LRP2: variants seen among roughly 807,000 people sequenced by gnomAD.
LRP2 encodes low-density lipoprotein receptor-related protein 2.
In LRP2, 172 loss-of-function variants were observed where a neutral mutation model predicts 531.0. The observed-to-expected ratio is 0.32, with a 90% confidence interval of 0.29 to 0.37. The LOEUF is 0.37. LRP2 is among the 10% of genes least tolerant of loss of function. The pLI is 1.00. For synonymous variants in LRP2, 1,992 were observed against 2,027.6 expected (o/e 0.98, Z 0.47); for missense variants, 5,167 against 5,868.3 (o/e 0.88, Z 3.90).
At chr2:169,181,383 A>G in intron 52 of LRP2, 65 bp downstream of exon 52, 1 of 1,525,144 alleles carries the variant, frequency 6.6e-7, no homozygotes, top group Non-Finnish European at 9.1e-7. Context: ...ATAGACTGGA[A>G]TCACAAGCTC....
At chr2:169,319,397 CA>C (rs1684851815) in intron 2 of LRP2, among the ~76,000 whole-genome samples, 1 of 152,170 alleles carries the variant, frequency 6.6e-6, no homozygotes, top group Non-Finnish European at 1.5e-5. Context: ...ATACTCATCT[CA>C]CTGTTTGTTG....
intron 47 of LRP2, among the ~76,000 whole-genome samples, chr2:169,193,414 G>A (rs1358247375): frequency 7.8e-6 from 1 of 128,700 alleles, no homozygotes; most frequent in Non-Finnish European, 1.6e-5. Flanking sequence ...CTGGGCAACA[G>A]AGTAAGACCT....
Position 169,193,529 on chromosome 2 carries a change from A to G in LRP2, c.8830+232T>C, listed in dbSNP as rs1439052940. 1.3e-5 allele frequency among the ~76,000 whole-genome samples: 2 copies of G among 151,648 alleles called. 1 individual carries two copies. The highest frequency in any genetic ancestry group is 6.4e-3 in the Middle Eastern group (2 of 312). ...CCTAGAAATGTAGGACATTATGTCC[A>G]TTAGCCAAATGTAAGAGAAAGAAAG... is the stretch of plus-strand genomic sequence containing the variant. On this transcript the variant is annotated intron_variant, in intron 47 of 78. Transcript: ENST00000649046.
chr2:169,246,893 G>C lies in LRP2; in HGVS notation c.3002C>G (p.Pro1001Arg), dbSNP rs777676007. The C allele has an allele frequency of 1.9e-6, 3 of 1,614,004 alleles. No homozygotes were observed. The highest frequency in any genetic ancestry group is 1.3e-5 in the African/African-American group (1 of 74,886). ...ATTGGAAGCCAGCCTCATTCCATAAGGGCACCCACACACTCGCTGGAAATT... is the reference window on the plus strand; with the variant it reads ...ATTGGAAGCCAGCCTCATTCCATAACGGCACCCACACACTCGCTGGAAATT... ...VPNFQRVCGC[P>R]YGMRLASNHL... The change falls in exon 21 of 79, where the codon CCT becomes CGT. Residue 1001 changes from proline to arginine, a missense_variant. Around this residue, in one of 6 missense-constraint regions of LRP2, gnomAD observed 2,811 missense variants for 3,058.0 expected, o/e 0.92. Coordinates refer to ENST00000649046, the MANE Select transcript of LRP2 (RefSeq NM_004525.3).
chr2:169,242,262 T>C (rs1445901754), intron 24 of LRP2, among the ~76,000 whole-genome samples: 3 of 152,156 alleles, frequency 2.0e-5, no homozygotes, highest in African/African-American at 7.2e-5. Flanking sequence ...CTAAAATCCA[T>C]TTAAAACAAA....
chr2:169,292,203 A>G (rs1351150412), intron 7 of LRP2, 50 bp downstream of exon 7: 1 of 1,348,186 alleles, frequency 7.4e-7, no homozygotes, highest in Non-Finnish European at 1.1e-6. Flanking sequence ...CAAGCGCTGG[A>G]AAACACTTGA....
intron 17 of LRP2, among the ~76,000 whole-genome samples, chr2:169,257,809 CA>C (rs777633269): frequency 2.9e-5 from 2 of 68,882 alleles, no homozygotes; most frequent in South Asian, 5.2e-4. Context: ...AGTCTAGAGG[CA>C]AAAAAAAACA....
intron 75 of LRP2, 110 bp from the exon 76 acceptor site, chr2:169,137,603 G>A: frequency 3.0e-6 from 2 of 656,160 alleles, no homozygotes; most frequent in Admixed American, 4.0e-5. Flanking sequence ...CTCACACCTG[G>A]AGGTACGCTA....
At position 169,142,650 on chromosome 2, in the gene LRP2, T is replaced by C. The variant is rs181851810; in HGVS notation, c.13108+24A>G. 32 of 1,612,578 alleles carry C rather than the reference T, an allele frequency of 2.0e-5. No homozygotes were observed. The Admixed American group carries it at 4.3e-4, about 22-fold the overall frequency. ...GCAGAGGAGTGCTCCCAGGCCCCCA[T>C]AGCTGCTTGGGCAGTGCTCCTACCT... On this transcript the variant is annotated intron_variant, in intron 71 of 78. Coordinates refer to ENST00000649046, the MANE Select transcript of LRP2 (RefSeq NM_004525.3).
chr2:169,338,754 C>T lies in LRP2; in HGVS notation c.80-17870G>A, dbSNP rs114459803. 8.6e-3 allele frequency among the ~76,000 whole-genome samples: 1,304 copies of T among 152,294 alleles called. 22 individuals carry two copies. The highest frequency in any genetic ancestry group is 0.029 in the African/African-American group (1,226 of 41,566). On this transcript the variant is annotated intron_variant, in intron 1 of 78. Coordinates refer to ENST00000649046, the MANE Select transcript of LRP2 (RefSeq NM_004525.3). ...CCAGATGCTGCATACTACTGGGAAA[C>T]TACTATAATATTACAGAAGGGCAAG... is the stretch of plus-strand genomic sequence containing the variant.
chr2:169,175,662 A>G (rs1004142465), intron 54 of LRP2, among the ~76,000 whole-genome samples: 1 of 152,122 alleles, frequency 6.6e-6, no homozygotes, highest in Non-Finnish European at 1.5e-5. Context: ...AACAATAAAC[A>G]AATAAAGAGT....
At chr2:169,310,147 T>C (rs562862146) in intron 3 of LRP2, among the ~76,000 whole-genome samples, 10 of 152,352 alleles carry the variant, frequency 6.6e-5, no homozygotes, top group African/African-American at 2.4e-4. Flanking sequence ...GTTTTCTAAA[T>C]ATACAATCAT....
At chr2:169,245,875 T>A (rs1379781086) in intron 21 of LRP2, among the ~76,000 whole-genome samples, 2 of 152,290 alleles carry the variant, frequency 1.3e-5, no homozygotes, top group East Asian at 3.9e-4. Flanking sequence ...TTGTTGTTTG[T>A]TTGCTTATTT....
At chr2:169,149,735 C>A (rs72874714) in intron 68 of LRP2, among the ~76,000 whole-genome samples, 4,260 of 151,884 alleles carry the variant, frequency 0.028, 76 homozygotes, top group African/African-American at 0.05. Context: ...TGCCAGGAGG[C>A]TGAGGCAGGA....
At chr2:169,146,015 C>G (rs777494030) in intron 69 of LRP2, 92 bp from the exon 70 acceptor site, 2 of 1,157,612 alleles carry the variant, frequency 1.7e-6, no homozygotes, top group Non-Finnish European at 2.6e-6. Flanking sequence ...TGATGTCATT[C>G]TGCTTGAATT....
intron 55 of LRP2, among the ~76,000 whole-genome samples, chr2:169,174,858 A>G (rs1448840102): frequency 6.8e-6 from 1 of 147,268 alleles, no homozygotes; most frequent in Non-Finnish European, 1.5e-5. Flanking sequence ...TAAATATGAC[A>G]ACTGAGAGTC....
At chr2:169,194,821 A>C (rs1687951422) in intron 46 of LRP2, among the ~76,000 whole-genome samples, 1 of 150,138 alleles carries the variant, frequency 6.7e-6, no homozygotes. Context: ...CCCAGGTTCA[A>C]GTGATTCTCC....
Position 169,294,593 on chromosome 2 carries a change from T to C in LRP2, c.538+7A>G, listed in dbSNP as rs1684087741. 2 of 1,591,506 alleles carry C rather than the reference T, an allele frequency of 1.3e-6. No individual in the cohort carries two copies. Among genetic ancestry groups the C allele is most frequent in the Non-Finnish European group, 1.7e-6 (2 of 1,159,706 alleles). Reference sequence around the variant, plus strand: ...ACACAACTGCACATCTTGTGCACAATACTTACTGCAGTTGATTTCATCTGA... The same window carrying C: ...ACACAACTGCACATCTTGTGCACAACACTTACTGCAGTTGATTTCATCTGA... On this transcript the variant is annotated splice_region_variant and intron_variant, in intron 5 of 78. Coordinates refer to ENST00000649046, the MANE Select transcript of LRP2 (RefSeq NM_004525.3).
Position 169,241,072 on chromosome 2 carries a change from C to G in LRP2, c.3961G>C (p.Gly1321Arg). The G allele has an allele frequency of 6.2e-7, 1 of 1,614,052 alleles. No homozygotes were observed. The highest frequency in any genetic ancestry group is 8.5e-7 in the Non-Finnish European group (1 of 1,179,960). Reference protein sequence around the residue: ...RCPSWQWQCLGHNICVNLSVV... With the variant: ...RCPSWQWQCLRHNICVNLSVV... ...CTCAGATTCACACAGATGTTATGGC[C>G]AAGACACTGCCATTGCCAACTAGGA... The change falls in exon 25 of 79, where the codon GGC (glycine) becomes CGC (arginine). Residue 1321 changes from glycine to arginine, a missense_variant. By Grantham distance (125) the Gly-to-Arg change is moderately radical (BLOSUM62 -2). Around this residue, in one of 6 missense-constraint regions of LRP2, gnomAD observed 2,811 missense variants for 3,058.0 expected, o/e 0.92. Coordinates refer to ENST00000649046, the MANE Select transcript of LRP2 (RefSeq NM_004525.3).
Sources: allele counts gnomAD v4.1 joint callset (sites outside exome capture counted in the v4.1 genomes callset), GRCh38; gene constraint gnomAD v4.1.1; regional missense constraint gnomAD v4.1.1; transcripts MANE v1.5; gene names NCBI Gene and HGNC (gene_info 2026-07-23, HGNC 2026-07-21).